Variants in CAMSAP2 observed in about 807,000 individuals in gnomAD.
CAMSAP2 encodes the protein calmodulin regulated spectrin associated protein family member 2.
Under a neutral mutation model 146.1 loss-of-function variants are expected in CAMSAP2, and 26 were observed. The observed-to-expected ratio is 0.18, with a 90% CI of 0.13 to 0.25. The LOEUF (loss-of-function observed/expected upper bound fraction) is 0.25. CAMSAP2 is among the 10% of genes least tolerant of loss of function. The pLI, the probability that CAMSAP2 is intolerant of heterozygous loss-of-function variation, is 1.00. For synonymous variants in CAMSAP2, 499 were observed against 596.6 expected (o/e 0.84, Z 2.38); for missense variants, 1,381 against 1,759.3 (o/e 0.78, Z 3.85).
intron 3 of CAMSAP2, among the ~76,000 whole-genome samples, chr1:200,814,108 CAAAAAAAA>C (rs34408164): frequency 7.0e-5 from 2 of 28,744 alleles, no homozygotes; most frequent in South Asian, 3.1e-3. Flanking sequence ...ACTGTGTTTC[CAAAAAAAA>C]AAAAAAAAAG....
At position 200,829,819 on chromosome 1, in the gene CAMSAP2, C is replaced by T. The variant is rs1666996538; in HGVS notation, c.646-2381C>T. Among the ~76,000 whole-genome samples the T allele has an allele frequency of 2.0e-5, 3 of 152,060 alleles. No homozygotes were observed. In the South Asian group the frequency reaches 6.2e-4, roughly 32 times the overall value. ...GTACACATTTGTGGTTTCACCTACT[C>T]AAAAGGCTGAGGTGGGAGAATCACC... On this transcript the variant is annotated intron_variant, in intron 4 of 16. Transcript: ENST00000358823.
At chr1:200,771,834 C>T (rs765007292) in intron 2 of CAMSAP2, among the ~76,000 whole-genome samples, 1 of 152,146 alleles carries the variant, frequency 6.6e-6, no homozygotes, top group Non-Finnish European at 1.5e-5. Context: ...GCTGAAATAC[C>T]GGTGCTGCTC....
At chr1:200,785,230 G>A (rs1380097274) in intron 2 of CAMSAP2, among the ~76,000 whole-genome samples, 2 of 152,066 alleles carry the variant, frequency 1.3e-5, no homozygotes, top group Non-Finnish European at 2.9e-5. Context: ...TCTTGTGTTA[G>A]CATCAGGGTA....
Position 200,850,148 on chromosome 1 carries a change from G to C in CAMSAP2, c.3379G>C (p.Asp1127His). 6.2e-7 allele frequency: 1 copy of C among 1,610,744 alleles called. No homozygotes were observed. The highest frequency in any genetic ancestry group is 8.5e-7 in the Non-Finnish European group (1 of 1,179,296). The part of the protein sequence containing the change: ...LSDLKPPEKA[D>H]VPVEKYDGES... The stretch of plus-strand genomic sequence containing the variant: ...AGATTTGAAACCCCCTGAAAAGGCT[G>C]ATGTACCTGTTGAAAAATATGATGG... Residue 1127 changes from aspartate (D) to histidine (H), a missense_variant, in exon 11 of 17, where the codon GAT (aspartate) becomes CAT (histidine). Physicochemically the swap from Asp to His is moderately conservative, Grantham distance 81. Coordinates refer to ENST00000358823, the MANE Select transcript of CAMSAP2 (RefSeq NM_203459.4).
At chr1:200,814,700 A>C (rs1243641780) in intron 3 of CAMSAP2, among the ~76,000 whole-genome samples, 2 of 151,546 alleles carry the variant, frequency 1.3e-5, no homozygotes, top group Non-Finnish European at 2.9e-5. Flanking sequence ...CCTGTTAGGA[A>C]CACCTAAAAA....
intron 3 of CAMSAP2, among the ~76,000 whole-genome samples, chr1:200,814,037 G>C (rs1666405918): frequency 1.4e-5 from 2 of 147,774 alleles, no homozygotes; most frequent in South Asian, 4.4e-4. Flanking sequence ...GAGCCCAGGA[G>C]ACAAAGGTTG....
chr1:200,816,465 G>A (rs1348119202), intron 4 of CAMSAP2, among the ~76,000 whole-genome samples: 1 of 145,138 alleles, frequency 6.9e-6, no homozygotes, highest in Admixed American at 6.9e-5. Flanking sequence ...GTGGTGGCCG[G>A]TGCTTGTAGT....
In CAMSAP2 at chr1:200,853,759, TATA is replaced by T. The variant is rs1558212047; in HGVS notation, c.3823+267_3823+269del. 6.6e-6 allele frequency among the ~76,000 whole-genome samples: 1 copy of T among 152,222 alleles called. No homozygotes were observed. The highest frequency in any genetic ancestry group is 1.5e-5 in the Non-Finnish European group (1 of 68,030). ...TCTATTAGGGAACTGTGCCCTCAGA[TATA>T]ATCTCCTTGAACTATTAACTGCCCT... On this transcript the variant is annotated intron_variant, in intron 13 of 16. Coordinates refer to ENST00000358823, the MANE Select transcript of CAMSAP2 (RefSeq NM_203459.4). The surrounding 1 kb of genome is among the most constrained non-coding windows in gnomAD (Gnocchi z 5.1).
At chr1:200,818,812 A>C (rs1666673885) in intron 4 of CAMSAP2, among the ~76,000 whole-genome samples, 1 of 152,064 alleles carries the variant, frequency 6.6e-6, no homozygotes, top group Non-Finnish European at 1.5e-5. Flanking sequence ...GAGAGAGAAA[A>C]TGACTTGCTC....
chr1:200,747,373 T>C (rs1277821507), intron 1 of CAMSAP2, among the ~76,000 whole-genome samples: 1 of 152,188 alleles, frequency 6.6e-6, no homozygotes, highest in Non-Finnish European at 1.5e-5. Context: ...CTGAGAAAGA[T>C]TAATCGAGGA....
At chr1:200,836,010 C>T (rs1667175195) in intron 6 of CAMSAP2, among the ~76,000 whole-genome samples, 1 of 152,042 alleles carries the variant, frequency 6.6e-6, no homozygotes, top group Non-Finnish European at 1.5e-5. Context: ...CTATGATTTT[C>T]TACAGAAAGG....
Position 200,847,700 on chromosome 1 carries a change from A to C in CAMSAP2, c.1253A>C (p.Lys418Thr), listed in dbSNP as rs745535991. The C allele has an allele frequency of 6.2e-7, 1 of 1,610,840 alleles. No individual in the cohort carries two copies. Among genetic ancestry groups the C allele is most frequent in the Admixed American group, 1.7e-5 (1 of 59,836 alleles). Residue 418 changes from lysine (K) to threonine (T), a missense_variant, in exon 10 of 17, where the codon AAA becomes ACA. Physicochemically the swap from Lys to Thr is moderately conservative, Grantham distance 78 (BLOSUM62 -1). Coordinates refer to ENST00000358823, the MANE Select transcript of CAMSAP2 (RefSeq NM_203459.4). ...YVDGFIGTWP[K>T]EKRSSVHGVS... ...GATGGCTTCATAGGGACATGGCCCA[A>C]AGAGAAAAGGTAAACAAAGAGAATT...
chr1:200,852,540 G>A lies in CAMSAP2; in HGVS notation c.3466-1G>A. On this transcript the variant is annotated splice_acceptor_variant, in intron 11 of 16. Transcript: ENST00000358823. LOFTEE classifies it high-confidence loss of function. ...TCGTTTTCAATGAAATTCGTTCTTA[G>A]GATGATCAAAAAGCAGAAAATGATA... The A allele has an allele frequency of 6.2e-7, 1 of 1,610,400 alleles. No homozygotes were observed. The highest frequency in any genetic ancestry group is 8.5e-7 in the Non-Finnish European group (1 of 1,178,996).
chr1:200,853,198 TA>T lies in CAMSAP2; in HGVS notation c.3603-76del. 7.9e-7 allele frequency: 1 copy of T among 1,266,916 alleles called. No individual in the cohort carries two copies. Among genetic ancestry groups the T allele is most frequent in the Non-Finnish European group, 1.1e-6 (1 of 894,788 alleles). The allele number at this position is 1,266,916 out of a possible 1,614,324, so 78.5% of individuals were successfully genotyped here. A position where few individuals can be genotyped will look rare whatever the true frequency, so the allele number is the denominator to read the frequency against. On this transcript the variant is annotated intron_variant, in intron 12 of 16. Transcript: ENST00000358823. The surrounding 1 kb of genome is among the most constrained non-coding windows in gnomAD (Gnocchi z 5.1). Reference sequence around the variant, plus strand: ...GATGAAATAGAATTCTCCTTTCTCATATCAAATACATAACTCTCTCCTGTAT... The same window carrying T: ...GATGAAATAGAATTCTCCTTTCTCATTCAAATACATAACTCTCTCCTGTAT...
At chr1:200,828,720 A>G (rs2102208859) in intron 4 of CAMSAP2, 1 of 992,940 alleles carries the variant, frequency 1.0e-6, no homozygotes. Context: ...TTGAATAGAG[A>G]TTGGATTTTA....
At chr1:200,846,237 C>T (rs1667457071) in intron 8 of CAMSAP2, among the ~76,000 whole-genome samples, 2 of 152,152 alleles carry the variant, frequency 1.3e-5, no homozygotes, top group Non-Finnish European at 2.9e-5. Flanking sequence ...AGAAAACACT[C>T]AGTGTTCTAG....
intron 4 of CAMSAP2, among the ~76,000 whole-genome samples, chr1:200,829,234 G>A (rs1666982805): frequency 6.6e-6 from 1 of 152,052 alleles, no homozygotes; most frequent in Non-Finnish European, 1.5e-5. Flanking sequence ...AATTTGAATT[G>A]CATGAATAAA....
chr1:200,806,444 C>T (rs1053477622), intron 2 of CAMSAP2, among the ~76,000 whole-genome samples: 11 of 152,104 alleles, frequency 7.2e-5, no homozygotes, highest in African/African-American at 2.4e-4. Context: ...TGTGGAGAAA[C>T]AGGCAGGCTG....
rs780171804 is a variant in CAMSAP2 at position 200,826,429 on chromosome 1, C to CA, written c.646-5756dup. Among the ~76,000 whole-genome samples, 364 of 96,666 alleles carry CA rather than the reference C, an allele frequency of 3.8e-3. 2 individuals are homozygous for CA. Among genetic ancestry groups the CA allele is most frequent in the Middle Eastern group, 0.012 (2 of 166 alleles). 63.4% of individuals were successfully genotyped at this position (96,666 alleles called of 152,430 possible). A position where few individuals can be genotyped will look rare whatever the true frequency, so the allele number is the denominator to read the frequency against. On this transcript the variant is annotated intron_variant, in intron 4 of 16. Coordinates refer to ENST00000358823, the MANE Select transcript of CAMSAP2 (RefSeq NM_203459.4). Reference sequence around the variant, plus strand: ...CCTGGGTGACAGAGGGAGACTGTCTCAAAAAAAAAAAAAAAGATTAAATCT... The same window carrying CA: ...CCTGGGTGACAGAGGGAGACTGTCTCAAAAAAAAAAAAAAAAGATTAAATCT...
Sources: gnomAD v4.1 joint callset for allele counts (sites outside exome capture counted in the v4.1 genomes callset) on GRCh38, gnomAD v4.1.1 for gene constraint, Gnocchi (gnomAD v3.1) non-coding constraint, MANE v1.5 for transcripts, NCBI Gene and HGNC (gene_info 2026-07-23, HGNC 2026-07-21) for gene names.